ZNF189: variants seen among roughly 807,000 people sequenced by gnomAD.
ZNF189 encodes the protein zinc finger protein 189.
A neutral mutation model predicts 53.5 loss-of-function variants in ZNF189; 33 were observed. The observed-to-expected ratio is 0.62, with a 90% confidence interval of 0.47 to 0.82. The LOEUF (loss-of-function observed/expected upper bound fraction) is 0.82, where lower values mean the gene tolerates loss of function less well. ZNF189 is among the 40% of genes least tolerant of loss of function. ZNF189 has a pLI of 0.00. For synonymous variants in ZNF189, 247 were observed against 238.8 expected (o/e 1.03, Z -0.32); for missense variants, 711 against 753.9 (o/e 0.94, Z 0.67).
rs773573587 is a variant in ZNF189 at position 101,408,562 on chromosome 9, G to A, written c.794G>A (p.Cys265Tyr). ...GAGAAACCCCATAAATGTAGTGACT[G>A]TGGGAAAGCCTTCAGTTGGAAATCA... ...TGEKPHKCSD[C>Y]GKAFSWKSHL... Residue 265 changes from cysteine (C) to tyrosine (Y), a missense_variant, in exon 3 of 3, where the codon TGT (cysteine) becomes TAT (tyrosine). Coordinates refer to ENST00000339664, the MANE Select transcript of ZNF189 (RefSeq NM_003452.4). 1 of 1,614,202 alleles carries A rather than the reference G, an allele frequency of 6.2e-7. No individual in the cohort carries two copies. The highest frequency in any genetic ancestry group is 1.1e-5 in the South Asian group (1 of 91,082).
chr9:101,402,633 C>T (rs963125540), intron 2 of ZNF189, among the ~76,000 whole-genome samples: 3 of 152,268 alleles, frequency 2.0e-5, no homozygotes, highest in Admixed American at 6.5e-5. Flanking sequence ...CTTGTATATA[C>T]TCCTGCTATT....
rs1830846330 is a variant in ZNF189, at chr9:101,409,289, T to C, written c.1521T>C (p.Thr507=). The C allele has an allele frequency of 1.2e-6, 2 of 1,614,188 alleles. No individual in the cohort carries two copies. Among genetic ancestry groups the C allele is most frequent in the Non-Finnish European group, 1.7e-6 (2 of 1,180,020 alleles). ...SFLIEHQRIH[T]GERPYLCRQC... ...TTATTGAACATCAGAGAATCCACAC[T>C]GGTGAGAGACCCTATCTGTGCAGAC... Residue 507 remains threonine, a synonymous_variant, in exon 3 of 3, where the codon ACT becomes ACC. Coordinates refer to ENST00000339664, the MANE Select transcript of ZNF189 (RefSeq NM_003452.4).
rs189413657 is a variant in ZNF189 at position 101,408,535 on chromosome 9, G to A, written c.767G>A (p.Gly256Asp). ...SLVKHQRIHT[G>D]EKPHKCSDCG... ...GTTAAACATCAAAGGATTCATACAG[G>A]TGAGAAACCCCATAAATGTAGTGAC... The change falls in exon 3 of 3, where the codon GGT becomes GAT. Residue 256 changes from glycine (G) to aspartate (D), a missense_variant. Coordinates refer to ENST00000339664, the MANE Select transcript of ZNF189 (RefSeq NM_003452.4). 5 of 1,614,164 alleles carry A rather than the reference G, an allele frequency of 3.1e-6. No homozygotes were observed. The African/African-American group carries it at 4.0e-5, about 13-fold the overall frequency.
In ZNF189 at chr9:101,408,603, C is replaced by G. The variant is rs1479343512; in HGVS notation, c.835C>G (p.Gln279Glu). The G allele has an allele frequency of 6.2e-7, 1 of 1,613,946 alleles. No individual in the cohort carries two copies. Among genetic ancestry groups the G allele is most frequent in the African/African-American group, 1.3e-5 (1 of 74,890 alleles). The change falls in exon 3 of 3, where the codon CAA becomes GAA. Residue 279 changes from glutamine (Q) to glutamate (E), a missense_variant. By Grantham distance (29) the Gln-to-Glu change is conservative. Coordinates refer to ENST00000339664, the MANE Select transcript of ZNF189 (RefSeq NM_003452.4). The part of the protein sequence containing the change: ...FSWKSHLIEH[Q>E]RTHTGEKPYH... ...TTGGAAATCACACCTTATTGAGCAT[C>G]AAAGAACTCACACTGGTGAGAAACC...
intron 2 of ZNF189, among the ~76,000 whole-genome samples, chr9:101,403,149 A>G (rs1830593604): frequency 6.7e-6 from 1 of 149,586 alleles, no homozygotes; most frequent in Admixed American, 6.7e-5. Context: ...GTTGTCTCTC[A>G]GTCACTGCCA....
intron 2 of ZNF189, 131 bp from the exon 3 acceptor site, chr9:101,407,798 A>G: frequency 1.1e-6 from 1 of 904,478 alleles, no homozygotes; most frequent in Non-Finnish European, 1.6e-6. Flanking sequence ...TTTTCATCCT[A>G]CCCTGTTTTC....
At position 101,399,173 on chromosome 9, in the gene ZNF189, C is replaced by G. The variant is rs1830433652; in HGVS notation, c.17C>G (p.Pro6Arg). The G allele has an allele frequency of 3.1e-6, 5 of 1,594,778 alleles. No homozygotes were observed. Among genetic ancestry groups the G allele is most frequent in the Non-Finnish European group, 4.3e-6 (5 of 1,164,370 alleles). The stretch of plus-strand genomic sequence containing the variant: ...GCCTGGGAGATGGCTTCCCCGAGCC[C>G]CCCGCCGGAGTCGAAGGTAAGTAAG... MASPS[P>R]PPESKGLLTF... is the part of the protein sequence containing the mutation. The change falls in exon 1 of 3, where the codon CCC becomes CGC. Residue 6 changes from proline (P) to arginine (R), a missense_variant. Transcript: ENST00000339664.
rs1485720866 is a variant in ZNF189 at position 101,408,545 on chromosome 9, C to T, written c.777C>T (p.Pro259=). The change falls in exon 3 of 3, where the codon CCC becomes CCT. Residue 259 remains proline, a synonymous_variant. Transcript: ENST00000339664. ...AAAGGATTCATACAGGTGAGAAACCCCATAAATGTAGTGACTGTGGGAAAG... is the reference window on the plus strand; with the variant it reads ...AAAGGATTCATACAGGTGAGAAACCTCATAAATGTAGTGACTGTGGGAAAG... The part of the protein sequence containing the change: ...KHQRIHTGEK[P]HKCSDCGKAF... The T allele has an allele frequency of 6.2e-7, 1 of 1,614,122 alleles. No individual in the cohort carries two copies. The highest frequency in any genetic ancestry group is 1.7e-5 in the Admixed American group (1 of 60,016).
At position 101,399,105 on chromosome 9, in the gene ZNF189, C is replaced by A; in HGVS notation, c.-52C>A. 7.3e-7 allele frequency: 1 copy of A among 1,362,196 alleles called. No homozygotes were observed. The highest frequency in any genetic ancestry group is 1.0e-6 in the Non-Finnish European group (1 of 953,042). 84.4% of individuals were successfully genotyped at this position (1,362,196 alleles called of 1,614,324 possible). On this transcript the variant is annotated 5_prime_UTR_variant, in exon 1 of 3. Coordinates refer to ENST00000339664, the MANE Select transcript of ZNF189 (RefSeq NM_003452.4). ...GCAGCCGGGTAGGCCTCACCAGAGGCTCCTTTCCGTGAGGCCGCCCCCAAT... is the reference window on the plus strand; with the variant it reads ...GCAGCCGGGTAGGCCTCACCAGAGGATCCTTTCCGTGAGGCCGCCCCCAAT...
rs1160411209 is a variant in ZNF189 at position 101,399,874 on chromosome 9, A to G, written c.34-10A>G. ...AACAGGAACTGACTACAGAAATCAT[A>G]CTATTTCAGGGGTTGCTGACATTTG... On this transcript the variant is annotated splice_polypyrimidine_tract_variant and intron_variant, in intron 1 of 2. Transcript: ENST00000339664. 8.1e-6 allele frequency: 13 copies of G among 1,613,882 alleles called. No homozygotes were observed. Among genetic ancestry groups the G allele is most frequent in the African/African-American group, 5.3e-5 (4 of 74,920 alleles).
chr9:101,399,916 T>C lies in ZNF189; in HGVS notation c.66T>C (p.Phe22=). 1 of 1,614,132 alleles carries C rather than the reference T, an allele frequency of 6.2e-7. No homozygotes were observed. Among genetic ancestry groups the C allele is most frequent in the Non-Finnish European group, 8.5e-7 (1 of 1,180,014 alleles). ...TGACATTTGAGGATGTGGCTGTGTT[T>C]TTTACCCAGGAGGAGTGGGATTATC... is the stretch of plus-strand genomic sequence containing the variant. ...GLLTFEDVAV[F]FTQEEWDYLD... Residue 22 remains phenylalanine (F), a synonymous_variant, in exon 2 of 3, where the codon TTT becomes TTC. Coordinates refer to ENST00000339664, the MANE Select transcript of ZNF189 (RefSeq NM_003452.4).
rs778917234 is a variant in ZNF189, at chr9:101,408,411, G to A, written c.643G>A (p.Val215Met). Residue 215 changes from valine to methionine, a missense_variant, in exon 3 of 3, where the codon GTG (valine) becomes ATG (methionine). Val to Met is a conservative substitution (Grantham distance 21). Coordinates refer to ENST00000339664, the MANE Select transcript of ZNF189 (RefSeq NM_003452.4). The part of the protein sequence containing the change: ...ECNYCGKTFS[V>M]SSTLIRHQRI... ...TAATTACTGTGGAAAAACCTTTAGT[G>A]TGAGCTCAACCCTTATTAGACATCA... 4 of 1,613,202 alleles carry A rather than the reference G, an allele frequency of 2.5e-6. No individual in the cohort carries two copies. Among genetic ancestry groups the A allele is most frequent in the Admixed American group, 3.3e-5 (2 of 59,932 alleles).
rs141409245 is a variant in ZNF189, at chr9:101,399,922, C to A, written c.72C>A (p.Thr24=). The change falls in exon 2 of 3, where the codon ACC becomes ACA. Residue 24 remains threonine (T), a synonymous_variant. Coordinates refer to ENST00000339664, the MANE Select transcript of ZNF189 (RefSeq NM_003452.4). ...TTGAGGATGTGGCTGTGTTTTTTACCCAGGAGGAGTGGGATTATCTGGACC... is the reference window on the plus strand; with the variant it reads ...TTGAGGATGTGGCTGTGTTTTTTACACAGGAGGAGTGGGATTATCTGGACC... ...LTFEDVAVFF[T]QEEWDYLDPA... The A allele has an allele frequency of 2.9e-5, 46 of 1,613,812 alleles. No individual in the cohort carries two copies. Among genetic ancestry groups the A allele is most frequent in the African/African-American group, 5.3e-5 (4 of 74,836 alleles).
At position 101,398,981 on chromosome 9, in the gene ZNF189, G is replaced by A; in HGVS notation, c.-176G>A. 2 of 699,416 alleles carry A rather than the reference G, an allele frequency of 2.9e-6. No individual in the cohort carries two copies. The highest frequency in any genetic ancestry group is 5.3e-6 in the Non-Finnish European group (2 of 378,126). The allele number at this position is 699,416 out of a possible 1,614,324, so 43.3% of individuals were successfully genotyped here. ...CGGGGTTGGGGGACAGCCAGGGATC[G>A]CGTCTGATATGCTGTTGGGGTCGTG... On this transcript the variant is annotated 5_prime_UTR_variant, in exon 1 of 3. Coordinates refer to ENST00000339664, the MANE Select transcript of ZNF189 (RefSeq NM_003452.4).
chr9:101,408,207 T>C lies in ZNF189; in HGVS notation c.439T>C (p.Cys147Arg), dbSNP rs757703278. The C allele has an allele frequency of 1.2e-6, 2 of 1,614,100 alleles. No individual in the cohort carries two copies. The highest frequency in any genetic ancestry group is 1.7e-6 in the Non-Finnish European group (2 of 1,180,012). Residue 147 changes from cysteine (C) to arginine (R), a missense_variant, in exon 3 of 3, where the codon TGC (cysteine) becomes CGC (arginine). Physicochemically the swap from Cys to Arg is radical, Grantham distance 180. Coordinates refer to ENST00000339664, the MANE Select transcript of ZNF189 (RefSeq NM_003452.4). ...IRKRPNSEEKCHKCEECGKGF... is the reference protein window; with the variant it reads ...IRKRPNSEEKRHKCEECGKGF... ...TAAAAGACCAAACTCAGAAGAGAAA[T>C]GCCATAAATGTGAAGAATGTGGAAA...
At position 101,410,445 on chromosome 9, in the gene ZNF189, A is replaced by G. The variant is rs1354840687; in HGVS notation, c.*796A>G. The stretch of plus-strand genomic sequence containing the variant: ...CAACCAGGTGCATATGAAAGTGTAC[A>G]TATTATGACTGCCAAGTATTGGAAA... On this transcript the variant is annotated 3_prime_UTR_variant, in exon 3 of 3. Coordinates refer to ENST00000339664, the MANE Select transcript of ZNF189 (RefSeq NM_003452.4). The G allele has an allele frequency of 6.6e-6, 1 of 152,512 alleles. No homozygotes were observed. Among genetic ancestry groups the G allele is most frequent in the East Asian group, 1.9e-4 (1 of 5,196 alleles). The allele number at this position is 152,512 out of a possible 1,614,324, so 9.4% of individuals were successfully genotyped here. A position where few individuals can be genotyped will look rare whatever the true frequency, so the allele number is the denominator to read the frequency against.
At position 101,408,978 on chromosome 9, in the gene ZNF189, G is replaced by C; in HGVS notation, c.1210G>C (p.Glu404Gln). The C allele has an allele frequency of 6.2e-7, 1 of 1,613,990 alleles. No homozygotes were observed. The highest frequency in any genetic ancestry group is 8.5e-7 in the Non-Finnish European group (1 of 1,179,996). The change falls in exon 3 of 3, where the codon GAA becomes CAA. Residue 404 changes from glutamate to glutamine, a missense_variant. Coordinates refer to ENST00000339664, the MANE Select transcript of ZNF189 (RefSeq NM_003452.4). Reference sequence around the variant, plus strand: ...AGGAGACAAGCCCCATAAATGTGAGGAATGTGGAAAAGCCTTTAGTAGAAG... The same window carrying C: ...AGGAGACAAGCCCCATAAATGTGAGCAATGTGGAAAAGCCTTTAGTAGAAG... Reference protein sequence around the residue: ...HTGDKPHKCEECGKAFSRSSG... With the variant: ...HTGDKPHKCEQCGKAFSRSSG...
Position 101,399,914 on chromosome 9 carries a change from T to C in ZNF189, c.64T>C (p.Phe22Leu), listed in dbSNP as rs752703754. 1.2e-6 allele frequency: 2 copies of C among 1,614,122 alleles called. No homozygotes were observed. The highest frequency in any genetic ancestry group is 1.3e-5 in the African/African-American group (1 of 75,032). Residue 22 changes from phenylalanine (F) to leucine (L), a missense_variant, in exon 2 of 3, where the codon TTT (phenylalanine) becomes CTT (leucine). By Grantham distance (22) the Phe-to-Leu change is conservative (BLOSUM62 0). Coordinates refer to ENST00000339664, the MANE Select transcript of ZNF189 (RefSeq NM_003452.4). ...GLLTFEDVAV[F>L]FTQEEWDYLD... Reference sequence around the variant, plus strand: ...GCTGACATTTGAGGATGTGGCTGTGTTTTTTACCCAGGAGGAGTGGGATTA... The same window carrying C: ...GCTGACATTTGAGGATGTGGCTGTGCTTTTTACCCAGGAGGAGTGGGATTA...
At chr9:101,407,155 C>A (rs970427441) in intron 2 of ZNF189, among the ~76,000 whole-genome samples, 1 of 152,124 alleles carries the variant, frequency 6.6e-6, no homozygotes, top group African/African-American at 2.4e-5. Flanking sequence ...TCTCTTTATA[C>A]AGGAGCTGCT....
Sources: allele counts gnomAD v4.1 joint callset (sites outside exome capture counted in the v4.1 genomes callset), GRCh38; gene constraint gnomAD v4.1.1; transcripts MANE v1.5; gene names NCBI Gene and HGNC (gene_info 2026-07-23, HGNC 2026-07-21).